POU2F1: variants seen among roughly 807,000 people sequenced by gnomAD.
POU2F1 encodes the protein POU class 2 homeobox 1, also known as POU domain, class 2, transcription factor 1.
Under a neutral mutation model 84.9 loss-of-function variants are expected in POU2F1, and 16 were observed. The ratio of observed to expected loss-of-function variants is 0.19; its 90% CI spans 0.13 to 0.29. The LOEUF is 0.29. Ranked by LOEUF, POU2F1 falls within the 10% of genes least tolerant of loss-of-function variation. The pLI, the probability that POU2F1 is intolerant of heterozygous loss-of-function variation, is 1.00. For missense variants in POU2F1, 738 were observed against 942.6 expected (o/e 0.78, Z 2.84); for synonymous variants, 368 against 368.3 (o/e 1.00, Z 0.01).
chr1:167,246,783 A>G (rs965418060), intron 1 of POU2F1, among the ~76,000 whole-genome samples: 2 of 152,194 alleles, frequency 1.3e-5, no homozygotes, highest in African/African-American at 2.4e-5. Flanking sequence ...CTTCATTTTA[A>G]AAAGGTGAAA....
intron 7 of POU2F1, among the ~76,000 whole-genome samples, chr1:167,381,845 A>G (rs1015799997): frequency 1.3e-5 from 2 of 150,344 alleles, no homozygotes; most frequent in Non-Finnish European, 3.0e-5. Flanking sequence ...CCTGACCTCA[A>G]GTGATCTGCC....
chr1:167,374,221 T>A lies in POU2F1; in HGVS notation c.516T>A (p.Ala172=). Residue 172 remains alanine, a synonymous_variant, in exon 6 of 16, where the codon GCT becomes GCA. Coordinates refer to ENST00000367866, the MANE Select transcript of POU2F1 (RefSeq NM_002697.4). The stretch of plus-strand genomic sequence containing the variant: ...CCGCCAGCCAGCAGCACAGTGCTGC[T>A]GGAGCCACCATCTCCGCCTCTGCTG... ...QHSASQQHSA[A]GATISASAAT... 1 of 1,613,974 alleles carries A rather than the reference T, an allele frequency of 6.2e-7. No homozygotes were observed. Among genetic ancestry groups the A allele is most frequent in the Non-Finnish European group, 8.5e-7 (1 of 1,179,966 alleles).
intron 1 of POU2F1, among the ~76,000 whole-genome samples, chr1:167,281,261 A>G (rs1171623583): frequency 6.6e-6 from 1 of 152,242 alleles, no homozygotes; most frequent in African/African-American, 2.4e-5. Flanking sequence ...AAGACCTGTG[A>G]TACAGCTCTA....
chr1:167,308,635 C>T (rs1312524018), intron 1 of POU2F1, among the ~76,000 whole-genome samples: 1 of 152,112 alleles, frequency 6.6e-6, no homozygotes, highest in African/African-American at 2.4e-5. Flanking sequence ...AAGAGATCCT[C>T]CCACCTCAGC....
chr1:167,369,621 G>A (rs1659881334), intron 3 of POU2F1, among the ~76,000 whole-genome samples: 1 of 152,072 alleles, frequency 6.6e-6, no homozygotes, highest in South Asian at 2.1e-4. Flanking sequence ...GGTTTATAGG[G>A]TAGATTTTCT....
chr1:167,413,584 C>T (rs578260568), intron 15 of POU2F1, among the ~76,000 whole-genome samples: 13 of 152,272 alleles, frequency 8.5e-5, no homozygotes, highest in African/African-American at 2.6e-4. Context: ...ATCAGGTGGA[C>T]CTCAGGAGTG....
chr1:167,303,103 G>T (rs1166197052), intron 1 of POU2F1, among the ~76,000 whole-genome samples: 1 of 151,190 alleles, frequency 6.6e-6, no homozygotes, highest in South Asian at 2.1e-4. Flanking sequence ...TACTTGTATT[G>T]TATATTAGGG....
At chr1:167,299,695 G>GTTTTTTTTGTTT (rs1654528803) in intron 1 of POU2F1, among the ~76,000 whole-genome samples, 1 of 139,346 alleles carries the variant, frequency 7.2e-6, no homozygotes, top group African/African-American at 2.8e-5. Flanking sequence ...GGAGACCAGA[G>GTTTTTTTTGTTT]TTTTTTTTTT....
chr1:167,401,226 A>G (rs1206764544), intron 12 of POU2F1, among the ~76,000 whole-genome samples: 1 of 152,172 alleles, frequency 6.6e-6, no homozygotes, highest in East Asian at 1.9e-4. Context: ...GACTTAGAGT[A>G]TATCTGTCTC....
chr1:167,243,497 C>T (rs573018783), intron 1 of POU2F1, among the ~76,000 whole-genome samples: 17 of 151,984 alleles, frequency 1.1e-4, no homozygotes, highest in South Asian at 2.1e-4. Flanking sequence ...TTTTTTGAGA[C>T]GGAGTCTCGC....
chr1:167,277,827 C>T (rs866219813), intron 1 of POU2F1, among the ~76,000 whole-genome samples: 12 of 152,266 alleles, frequency 7.9e-5, no homozygotes, highest in Middle Eastern at 3.4e-3. Flanking sequence ...ATTCCTAATA[C>T]CCCCTCTCCC....
rs983747126 is a variant in POU2F1, at chr1:167,417,811, A to G, written c.*2001A>G. 11 of 152,204 alleles carry G rather than the reference A, an allele frequency of 7.2e-5. No individual in the cohort carries two copies. The highest frequency in any genetic ancestry group is 2.4e-4 in the African/African-American group (10 of 41,444). 9.4% of individuals were successfully genotyped at this position (152,204 alleles called of 1,614,324 possible). A position where few individuals can be genotyped will look rare whatever the true frequency, so the allele number is the denominator to read the frequency against. On this transcript the variant is annotated 3_prime_UTR_variant, in exon 16 of 16. Transcript: ENST00000367866. ...CAGTAAGGCAGTAAATACAGACACA[A>G]TGTGTACTTTTGTGTGTGATTCAAG...
chr1:167,288,679 C>T (rs1268445879), intron 1 of POU2F1, among the ~76,000 whole-genome samples: 1 of 152,054 alleles, frequency 6.6e-6, no homozygotes, highest in African/African-American at 2.4e-5. Flanking sequence ...AGAATGAGAC[C>T]CTGTCTAAAC....
chr1:167,221,578 T>C (rs1173702101), intron 1 of POU2F1, among the ~76,000 whole-genome samples: 1 of 148,810 alleles, frequency 6.7e-6, no homozygotes, highest in Non-Finnish European at 1.5e-5. Context: ...CTGCCCGCCT[T>C]GGGGGGCGGC....
At chr1:167,388,563 G>C (rs905071732) in intron 8 of POU2F1, among the ~76,000 whole-genome samples, 1 of 152,152 alleles carries the variant, frequency 6.6e-6, no homozygotes, top group Non-Finnish European at 1.5e-5. Flanking sequence ...TAAATTATGA[G>C]AATATTGCCT....
chr1:167,302,728 A>G (rs1435325646), intron 1 of POU2F1, among the ~76,000 whole-genome samples: 2 of 152,240 alleles, frequency 1.3e-5, no homozygotes, highest in African/African-American at 4.8e-5. Context: ...CATAGTTTTC[A>G]TTAATTAGCT....
intron 9 of POU2F1, among the ~76,000 whole-genome samples, chr1:167,392,244 A>G (rs12746667): frequency 0.1 from 15,506 of 151,822 alleles, 1,921 homozygotes; most frequent in African/African-American, 0.3. Context: ...CCAGCTAATC[A>G]GGAGGCTGAG....
chr1:167,412,045 A>G lies in POU2F1; in HGVS notation c.1642A>G (p.Ser548Gly). 1.2e-6 allele frequency: 2 copies of G among 1,614,122 alleles called. No homozygotes were observed. Among genetic ancestry groups the G allele is most frequent in the Non-Finnish European group, 1.7e-6 (2 of 1,180,012 alleles). The change falls in exon 14 of 16, where the codon AGT (serine) becomes GGT (glycine). Residue 548 changes from serine to glycine, a missense_variant. Transcript: ENST00000367866. ...ASSAVTSPSL[S>G]PSPSASASTS... The stretch of plus-strand genomic sequence containing the variant: ...CTCAGCAGTCACGTCCCCCTCTCTG[A>G]GTCCCTCCCCTTCTGCCTCAGCCTC...
At chr1:167,229,160 G>T (rs1648866568) in intron 1 of POU2F1, among the ~76,000 whole-genome samples, 2 of 66,572 alleles carry the variant, frequency 3.0e-5, no homozygotes, top group African/African-American at 8.5e-5. Context: ...GGAAGTCACT[G>T]AATTTTTTTT....
Sources: gnomAD v4.1 joint callset for allele counts (sites outside exome capture counted in the v4.1 genomes callset) on GRCh38, gnomAD v4.1.1 for gene constraint, MANE v1.5 for transcripts, NCBI Gene and HGNC (gene_info 2026-07-23, HGNC 2026-07-21) for gene names.